ARHGAP15: variants seen among roughly 807,000 people sequenced by gnomAD.
The protein encoded by ARHGAP15 is rho GTPase-activating protein 15.
In ARHGAP15, 51 loss-of-function variants were observed where a neutral mutation model predicts 63.7. The observed-to-expected ratio is 0.80, with a 90% confidence interval of 0.64 to 1.01. The LOEUF (loss-of-function observed/expected upper bound fraction) is 1.01, where lower values mean the gene tolerates loss of function less well. Ranked by LOEUF, ARHGAP15 falls within the 50% of genes least tolerant of loss-of-function variation. The pLI is 0.00. For missense variants in ARHGAP15, 560 were observed against 564.6 expected (o/e 0.99, Z 0.08); for synonymous variants, 191 against 193.8 (o/e 0.99, Z 0.12).
intron 1 of ARHGAP15, among the ~76,000 whole-genome samples, chr2:143,140,351 A>G (rs1689311503): frequency 6.6e-6 from 1 of 152,150 alleles, no homozygotes; most frequent in African/African-American, 2.4e-5. Flanking sequence ...CTCACCAAAA[A>G]TACCCTTTAA....
chr2:143,735,802 A>T (rs1206116824), intron 13 of ARHGAP15, among the ~76,000 whole-genome samples: 1 of 152,180 alleles, frequency 6.6e-6, no homozygotes, highest in East Asian at 1.9e-4. Context: ...TAACTACAAT[A>T]TTTTTTGTCC....
intron 11 of ARHGAP15, among the ~76,000 whole-genome samples, chr2:143,598,930 T>A (rs1697642968): frequency 6.8e-6 from 1 of 147,674 alleles, no homozygotes; most frequent in East Asian, 2.0e-4. Context: ...ATAAGTTGGT[T>A]TTTTTTTTTT....
chr2:143,532,881 GT>G (rs1376756914), intron 10 of ARHGAP15, among the ~76,000 whole-genome samples: 4 of 152,146 alleles, frequency 2.6e-5, no homozygotes, highest in Non-Finnish European at 4.4e-5. Flanking sequence ...AAAGTTAAAA[GT>G]TTTAAATTTC....
intron 12 of ARHGAP15, chr2:143,676,594 A>C (rs1428960924): frequency 2.0e-5 from 3 of 152,224 alleles, no homozygotes; most frequent in Non-Finnish European, 4.4e-5. Flanking sequence ...GAGAAGAGAG[A>C]GAGACAAGAG....
At chr2:143,470,550 C>T (rs1347480018) in intron 8 of ARHGAP15, among the ~76,000 whole-genome samples, 1 of 149,222 alleles carries the variant, frequency 6.7e-6, no homozygotes, top group East Asian at 2.0e-4. Flanking sequence ...ATATTTCATT[C>T]TGGGAAATAG....
At chr2:143,575,560 T>C (rs1325248453) in intron 11 of ARHGAP15, among the ~76,000 whole-genome samples, 2 of 152,150 alleles carry the variant, frequency 1.3e-5, no homozygotes, top group African/African-American at 4.8e-5. Context: ...TTTTCCCTAC[T>C]GTAAGGACAG....
intron 12 of ARHGAP15, among the ~76,000 whole-genome samples, chr2:143,660,892 C>A (rs1349386069): frequency 1.3e-5 from 2 of 152,216 alleles, no homozygotes; most frequent in East Asian, 3.8e-4. Flanking sequence ...TTACCACAAA[C>A]TTAGCAACTT....
chr2:143,409,435 T>C (rs1297833028), intron 6 of ARHGAP15, among the ~76,000 whole-genome samples: 1 of 152,050 alleles, frequency 6.6e-6, no homozygotes, highest in Non-Finnish European at 1.5e-5. Flanking sequence ...ATATCTCCAA[T>C]GGTCCTTTAA....
chr2:143,753,484 C>T (rs574221996), intron 13 of ARHGAP15, among the ~76,000 whole-genome samples: 106 of 152,070 alleles, frequency 7.0e-4, no homozygotes, highest in Non-Finnish European at 5.3e-4. Flanking sequence ...TTCTACGTAC[C>T]GGACGATAGA....
At chr2:143,363,227 T>G (rs1686138858) in intron 6 of ARHGAP15, among the ~76,000 whole-genome samples, 1 of 152,166 alleles carries the variant, frequency 6.6e-6, no homozygotes, top group Admixed American at 6.5e-5. Context: ...AAAGGTTTTG[T>G]CCCTACTGTT....
intron 6 of ARHGAP15, among the ~76,000 whole-genome samples, chr2:143,336,806 C>T (rs1010699409): frequency 1.3e-5 from 2 of 152,128 alleles, no homozygotes; most frequent in African/African-American, 4.8e-5. Flanking sequence ...AGAAGACTTT[C>T]TGCTTTCTTT....
At chr2:143,250,335 T>C (rs1680089791) in intron 5 of ARHGAP15, among the ~76,000 whole-genome samples, 176 bp from the exon 6 acceptor site, 1 of 152,028 alleles carries the variant, frequency 6.6e-6, no homozygotes, top group South Asian at 2.1e-4. Context: ...ATTTTAGACA[T>C]TGAAAAAAAT....
intron 6 of ARHGAP15, among the ~76,000 whole-genome samples, chr2:143,333,329 C>T (rs781325537): frequency 6.6e-6 from 1 of 152,174 alleles, no homozygotes; most frequent in African/African-American, 2.4e-5. Flanking sequence ...ATGAAGATGA[C>T]ACGTCGGTGA....
intron 6 of ARHGAP15, among the ~76,000 whole-genome samples, chr2:143,433,615 T>C (rs1249854490): frequency 6.6e-6 from 1 of 152,130 alleles, no homozygotes; most frequent in Non-Finnish European, 1.5e-5. Flanking sequence ...GCAAACGCAC[T>C]GCTAAAGTAC....
intron 11 of ARHGAP15, among the ~76,000 whole-genome samples, chr2:143,559,574 A>C (rs1196530857): frequency 6.6e-6 from 1 of 152,242 alleles, no homozygotes; most frequent in African/African-American, 2.4e-5. Flanking sequence ...TGCATATACC[A>C]ACCCCTTTCA....
intron 8 of ARHGAP15, among the ~76,000 whole-genome samples, chr2:143,438,570 G>A (rs1689720450): frequency 6.6e-6 from 1 of 152,194 alleles, no homozygotes; most frequent in Non-Finnish European, 1.5e-5. Context: ...TTAGCCAGTT[G>A]TGCTAAGTTG....
chr2:143,522,155 A>G (rs937137781), intron 10 of ARHGAP15: 2 of 152,182 alleles, frequency 1.3e-5, no homozygotes, highest in Non-Finnish European at 2.9e-5. Context: ...ATGTGAACCA[A>G]TTTAGCTAAT....
At chr2:143,711,819 C>G (rs1684593377) in intron 13 of ARHGAP15, among the ~76,000 whole-genome samples, 1 of 152,160 alleles carries the variant, frequency 6.6e-6, no homozygotes, top group South Asian at 2.1e-4. Context: ...GTCCCAGCTA[C>G]TCAAGTGGCT....
intron 5 of ARHGAP15, among the ~76,000 whole-genome samples, chr2:143,242,107 G>T (rs942811197): frequency 4.6e-5 from 7 of 152,162 alleles, no homozygotes; most frequent in Non-Finnish European, 1.5e-5. Flanking sequence ...AGTCGGACCT[G>T]CCTCAGCCAT....
Sources: gnomAD v4.1 joint callset for allele counts (sites outside exome capture counted in the v4.1 genomes callset) on GRCh38, gnomAD v4.1.1 for gene constraint, MANE v1.5 for transcripts, NCBI Gene and HGNC (gene_info 2026-07-23, HGNC 2026-07-21) for gene names.